Variants in DDX51 observed in about 807,000 individuals in gnomAD.
DDX51 encodes DEAD-box helicase 51, also known as ATP-dependent RNA helicase DDX51.
A neutral mutation model predicts 74.6 loss-of-function variants in DDX51; 67 were observed. That is an observed-to-expected ratio of 0.90 (90% CI 0.74 to 1.10). The LOEUF (loss-of-function observed/expected upper bound fraction) is 1.10, where lower values mean the gene tolerates loss of function less well. Ranked by LOEUF, DDX51 falls within the 50% of genes least tolerant of loss-of-function variation. DDX51 has a pLI of 0.00. For missense variants in DDX51, 1,056 were observed against 905.2 expected, an observed-to-expected ratio of 1.17 and a Z score of -2.14; for synonymous variants, 545 against 402.9, an observed-to-expected ratio of 1.35 and a Z score of -4.22.
Position 132,141,853 on chromosome 12 carries a change from T to G in DDX51, c.992A>C (p.Lys331Thr), listed in dbSNP as rs1316191064. 3 of 1,612,948 alleles carry G rather than the reference T, an allele frequency of 1.9e-6. No homozygotes were observed. In the African/African-American group the frequency reaches 4.0e-5, roughly 22 times the overall value. Reference sequence around the variant, plus strand: ...CCCGCACCCTGACACAACCTACGTTTTCTGGACGAGGCTCTCCTGCTCCTT... The same window carrying G: ...CCCGCACCCTGACACAACCTACGTTGTCTGGACGAGGCTCTCCTGCTCCTT... ...LAKEQESLVQ[K>T]TADGYRCLAD... Residue 331 changes from lysine to threonine, a missense_variant, in exon 6 of 15, where the codon AAA becomes ACA. Lys to Thr is a moderately conservative substitution (Grantham distance 78, BLOSUM62 -1). Transcript: ENST00000397333.
intron 3 of DDX51, 110 bp downstream of exon 3, chr12:132,142,618 C>A: frequency 2.0e-6 from 3 of 1,516,240 alleles, no homozygotes; most frequent in Non-Finnish European, 2.7e-6. Context: ...AGTGCTGAGA[C>A]CACACTTGGC....
chr12:132,140,028 C>G, intron 12 of DDX51, 70 bp downstream of exon 12: 3 of 1,605,918 alleles, frequency 1.9e-6, no homozygotes, highest in East Asian at 2.2e-5. Flanking sequence ...CCAGTCAAGA[C>G]GGTCCCACAT....
intron 13 of DDX51, 23 bp downstream of exon 13, chr12:132,139,838 T>G (rs1246293852): frequency 6.2e-7 from 1 of 1,612,860 alleles, no homozygotes; most frequent in Admixed American, 1.7e-5. Context: ...CAGCAGAAAC[T>G]CCCAAGACCC....
At position 132,139,111 on chromosome 12, in the gene DDX51, G is replaced by T; in HGVS notation, c.*161C>A. 1.8e-6 allele frequency: 2 copies of T among 1,097,972 alleles called. No homozygotes were observed. Among genetic ancestry groups the T allele is most frequent in the South Asian group, 3.0e-5 (2 of 66,096 alleles). 68.0% of individuals were successfully genotyped at this position (1,097,972 alleles called of 1,614,324 possible). A position where few individuals can be genotyped will look rare whatever the true frequency, so the allele number is the denominator to read the frequency against. On this transcript the variant is annotated 3_prime_UTR_variant, in exon 15 of 15. Coordinates refer to ENST00000397333, the MANE Select transcript of DDX51 (RefSeq NM_175066.4). ...CAGTCGGGGCAGGTGCTTGAGCTCT[G>T]ACGCCCGGGCTGCCTGGCGCAGAGA...
rs1427188894 is a variant in DDX51 at position 132,140,514 on chromosome 12, C to G, written c.1582G>C (p.Gly528Arg). ...HRLFLLVQAF[G>R]GVDVAEFSSR... ...GAGAACTCAGCCACGTCCACACCCC[C>G]AAAAGCTTGCACCAGCAGGAAGAGC... The change falls in exon 11 of 15, where the codon GGG (glycine) becomes CGG (arginine). Residue 528 changes from glycine (G) to arginine (R), a missense_variant. By Grantham distance (125) the Gly-to-Arg change is moderately radical. Transcript: ENST00000397333. 3.1e-6 allele frequency: 5 copies of G among 1,612,996 alleles called. No homozygotes were observed. The highest frequency in any genetic ancestry group is 4.2e-6 in the Non-Finnish European group (5 of 1,180,038).
chr12:132,139,140 C>G lies in DDX51; in HGVS notation c.*132G>C. The G allele has an allele frequency of 7.2e-7, 1 of 1,387,548 alleles. No homozygotes were observed. Among genetic ancestry groups the G allele is most frequent in the Non-Finnish European group, 9.8e-7 (1 of 1,023,656 alleles). 86.0% of individuals were successfully genotyped at this position (1,387,548 alleles called of 1,614,324 possible). On this transcript the variant is annotated 3_prime_UTR_variant, in exon 15 of 15. Coordinates refer to ENST00000397333, the MANE Select transcript of DDX51 (RefSeq NM_175066.4). ...CCCGGGCTGCCTGGCGCAGAGACCA[C>G]GTGCTTGGGGAGGAAGGCTGTGTCC... is the stretch of plus-strand genomic sequence containing the variant.
At position 132,143,754 on chromosome 12, in the gene DDX51, C is replaced by T. The variant is rs1275422343; in HGVS notation, c.460G>A (p.Ala154Thr). The T allele has an allele frequency of 6.6e-7, 1 of 1,525,564 alleles. No individual in the cohort carries two copies. Among genetic ancestry groups the T allele is most frequent in the Non-Finnish European group, 8.8e-7 (1 of 1,139,678 alleles). The allele number at this position is 1,525,564 out of a possible 1,614,324, so 94.5% of individuals were successfully genotyped here. A position where few individuals can be genotyped will look rare whatever the true frequency, so the allele number is the denominator to read the frequency against. The change falls in exon 2 of 15, where the codon GCC becomes ACC. Residue 154 changes from alanine to threonine, a missense_variant. Coordinates refer to ENST00000397333, the MANE Select transcript of DDX51 (RefSeq NM_175066.4). ...ACCAGGCCGGGGACCAGGGGTCCGGCCGCCTCCTCCAGGGCCGGTCCATCT... is the reference window on the plus strand; with the variant it reads ...ACCAGGCCGGGGACCAGGGGTCCGGTCGCCTCCTCCAGGGCCGGTCCATCT... ...APDGPALEEAAGPLVPGLVLG... is the reference protein window; with the variant it reads ...APDGPALEEATGPLVPGLVLG...
At chr12:132,141,982 T>C (rs574926162) in intron 5 of DDX51, 26 bp from the exon 6 acceptor site, 1 of 1,610,774 alleles carries the variant, frequency 6.2e-7, no homozygotes, top group Admixed American at 1.7e-5. Flanking sequence ...GTCACTGGCC[T>C]GGAGGTAGCT....
intron 2 of DDX51, 154 bp from the exon 3 acceptor site, chr12:132,143,032 G>T: frequency 1.0e-6 from 1 of 973,320 alleles, no homozygotes; most frequent in Non-Finnish European, 1.5e-6. Flanking sequence ...ACAGCCTTCA[G>T]AAGTTAAACA....
intron 6 of DDX51, 85 bp downstream of exon 6, chr12:132,141,765 C>A: frequency 1.3e-6 from 2 of 1,511,046 alleles, no homozygotes; most frequent in Admixed American, 1.8e-5. Flanking sequence ...AGATGGTGGC[C>A]CCTCCTCTGC....
Position 132,140,649 on chromosome 12 carries a change from G to A in DDX51, c.1527C>T (p.Cys509=). Residue 509 remains cysteine (C), a synonymous_variant, in exon 10 of 15, where the codon TGC becomes TGT. Transcript: ENST00000397333. ...GGGAGTTCTCTCGGGAGTTAGTGAA[G>A]CAGAGAACCCTCGAGAAGCCCATCT... The part of the protein sequence containing the change: ...VLEMGFSRVL[C]FTNSRENSHR... The A allele has an allele frequency of 1.2e-6, 2 of 1,612,988 alleles. No homozygotes were observed. The highest frequency in any genetic ancestry group is 1.7e-6 in the Non-Finnish European group (2 of 1,180,034).
rs748654936 is a variant in DDX51, at chr12:132,142,268, C to T, written c.816+9G>A. 3.7e-6 allele frequency: 6 copies of T among 1,612,616 alleles called. No individual in the cohort carries two copies. The East Asian group carries it at 1.3e-4, about 36-fold the overall frequency. Reference sequence around the variant, plus strand: ...ACCCGCTGTAGAGAAAGGGGACCCTCACACAGACCTGCACCACAGGGATGA... The same window carrying T: ...ACCCGCTGTAGAGAAAGGGGACCCTTACACAGACCTGCACCACAGGGATGA... On this transcript the variant is annotated intron_variant, in intron 4 of 14. Coordinates refer to ENST00000397333, the MANE Select transcript of DDX51 (RefSeq NM_175066.4).
rs746269870 is a variant in DDX51 at position 132,141,636 on chromosome 12, G to T, written c.996-30C>A. 2.6e-6 allele frequency: 4 copies of T among 1,545,626 alleles called. No homozygotes were observed. The African/African-American group carries it at 5.5e-5, about 21-fold the overall frequency. ...AGACCAGAGAGCAGCTCGAGAGAAG[G>T]AAGCTTTCTCAAGGGCTTCCGGATA... On this transcript the variant is annotated intron_variant, in intron 6 of 14. Coordinates refer to ENST00000397333, the MANE Select transcript of DDX51 (RefSeq NM_175066.4).
At position 132,139,754 on chromosome 12, in the gene DDX51, G is replaced by A. The variant is rs1018578088; in HGVS notation, c.1855C>T (p.Arg619Ter). 3 of 1,613,188 alleles carry A rather than the reference G, an allele frequency of 1.9e-6. No homozygotes were observed. The highest frequency in any genetic ancestry group is 1.6e-4 in the Middle Eastern group (1 of 6,062). Reference protein sequence around the residue: ...LLKVQERRFLRMLTEAGAPEL... With the variant: ...LLKVQERRFL ...GGTGCCCCAGCTTCAGTTAGCATTC[G>A]GAGGAATCTCCTCTCCTGGAGAGAA... Residue 619 changes from arginine to a stop codon, truncating the protein, a stop_gained, in exon 14 of 15, where the codon CGA becomes TGA. Transcript: ENST00000397333. LOFTEE classifies it high-confidence loss of function.
At position 132,141,343 on chromosome 12, in the gene DDX51, CTGG is replaced by C; in HGVS notation, c.1179_1181del (p.Phe393_Gln394delinsLeu). ...CACAGGGGTCCGCGGGGTCCTCGCTCTGGAAGGCGGCCGCCACCACCCGCGGCA... is the reference window on the plus strand; with the variant it reads ...CACAGGGGTCCGCGGGGTCCTCGCTCAAGGCGGCCGCCACCACCCGCGGCA... On this transcript the variant is annotated inframe_deletion, in exon 8 of 15. Coordinates refer to ENST00000397333, the MANE Select transcript of DDX51 (RefSeq NM_175066.4). 1.3e-6 allele frequency: 2 copies of C among 1,598,724 alleles called. No individual in the cohort carries two copies. The highest frequency in any genetic ancestry group is 1.7e-6 in the Non-Finnish European group (2 of 1,179,686).
intron 3 of DDX51, 65 bp downstream of exon 3, chr12:132,142,663 T>G: frequency 6.3e-7 from 1 of 1,589,888 alleles, no homozygotes; most frequent in Non-Finnish European, 8.5e-7. Flanking sequence ...CCACGGCCAC[T>G]CACAGCCTTG....
In DDX51 at chr12:132,140,981, G is replaced by A. The variant is rs1046039274; in HGVS notation, c.1290C>T (p.Phe430=). 1.9e-6 allele frequency: 3 copies of A among 1,608,014 alleles called. No homozygotes were observed. Among genetic ancestry groups the A allele is most frequent in the African/African-American group, 1.3e-5 (1 of 74,452 alleles). The change falls in exon 9 of 15, where the codon TTC becomes TTT. Residue 430 remains phenylalanine, a synonymous_variant. Transcript: ENST00000397333. ...CPQMPLQKLL[F]SATLTQNPEK... is the part of the protein sequence containing the mutation. Reference sequence around the variant, plus strand: ...CAGGGTTCTGGGTCAGAGTAGCTGAGAAGAGCAGCTTCTGCAGGGGCATCT... The same window carrying A: ...CAGGGTTCTGGGTCAGAGTAGCTGAAAAGAGCAGCTTCTGCAGGGGCATCT...
At chr12:132,142,001 C>T in intron 5 of DDX51, 45 bp from the exon 6 acceptor site, 1 of 1,607,492 alleles carries the variant, frequency 6.2e-7, no homozygotes, top group Non-Finnish European at 8.5e-7. Flanking sequence ...CTGGTGTCCA[C>T]CTACTGCAGC....
intron 8 of DDX51, 62 bp from the exon 9 acceptor site, chr12:132,141,082 A>G (rs1897439846): frequency 1.9e-6 from 3 of 1,539,120 alleles, no homozygotes; most frequent in Non-Finnish European, 2.6e-6. Flanking sequence ...TCCAGGGAAC[A>G]GGATTCCTCA....
Sources: gnomAD v4.1 joint callset for allele counts on GRCh38, gnomAD v4.1.1 for gene constraint, MANE v1.5 for transcripts, NCBI Gene and HGNC (gene_info 2026-07-23, HGNC 2026-07-21) for gene names.